Variants in ARHGEF10L observed in about 807,000 individuals in gnomAD.
ARHGEF10L encodes rho guanine nucleotide exchange factor 10-like protein.
In ARHGEF10L, 69 loss-of-function variants were observed where a neutral mutation model predicts 141.2. That is an observed-to-expected ratio of 0.49 (90% CI 0.40 to 0.60). ARHGEF10L has a LOEUF of 0.60. Ranked by LOEUF, ARHGEF10L falls within the 20% of genes least tolerant of loss-of-function variation. The pLI, the probability that ARHGEF10L is intolerant of heterozygous loss-of-function variation, is 0.00. For synonymous variants in ARHGEF10L, 711 were observed against 718.5 expected (o/e 0.99, Z 0.17); for missense variants, 1,482 against 1,734.3 (o/e 0.85, Z 2.58).
At chr1:17,628,063 C>A (rs991947831) in intron 15 of ARHGEF10L, among the ~76,000 whole-genome samples, 1 of 151,378 alleles carries the variant, frequency 6.6e-6, no homozygotes, top group African/African-American at 2.4e-5. Flanking sequence ...TTGGGCTGGG[C>A]GTGGTAGCTC....
chr1:17,580,484 G>A lies in ARHGEF10L; in HGVS notation c.-43-69G>A, dbSNP rs564712934. The A allele has an allele frequency of 2.3e-5, 32 of 1,401,698 alleles. No homozygotes were observed. The South Asian group carries it at 2.3e-4, about 10-fold the overall frequency. 86.8% of individuals were successfully genotyped at this position (1,401,698 alleles called of 1,614,324 possible). A position where few individuals can be genotyped will look rare whatever the true frequency, so the allele number is the denominator to read the frequency against. ...GCTGAAGCACAGGTTGTGAGCCAGT[G>A]ACTTGTCTCAGTAGCTGAAACTGCA... On this transcript the variant is annotated intron_variant, in intron 1 of 28. Coordinates refer to ENST00000361221, the MANE Select transcript of ARHGEF10L (RefSeq NM_018125.4).
rs139923118 is a variant in ARHGEF10L, at chr1:17,625,761, T to C, written c.1318-195T>C. Among the ~76,000 whole-genome samples, 70 of 152,294 alleles carry C rather than the reference T, an allele frequency of 4.6e-4. No individual in the cohort carries two copies. The East Asian group carries it at 0.011, about 24-fold the overall frequency. On this transcript the variant is annotated intron_variant, in intron 13 of 28. Coordinates refer to ENST00000361221, the MANE Select transcript of ARHGEF10L (RefSeq NM_018125.4). This position sits in a 1 kb window ranked among gnomAD's most constrained non-coding sequence, Gnocchi z 4.5. Reference sequence around the variant, plus strand: ...TTAGTCTCCTGAGGGTGCGCGGCCATGCAGGGGCACTGGTGGGAGAGGGAT... The same window carrying C: ...TTAGTCTCCTGAGGGTGCGCGGCCACGCAGGGGCACTGGTGGGAGAGGGAT...
intron 26 of ARHGEF10L, among the ~76,000 whole-genome samples, chr1:17,686,202 G>A (rs2064580597): frequency 6.6e-6 from 1 of 151,910 alleles, no homozygotes; most frequent in Admixed American, 6.6e-5. Context: ...ACAGTACAGA[G>A]CTGGATACAC....
the ARHGEF10L span, among the ~76,000 whole-genome samples, chr1:17,525,794 G>C: frequency 6.6e-6 from 1 of 151,866 alleles, no homozygotes; most frequent in Non-Finnish European, 1.5e-5. Flanking sequence ...CTTGAGATTG[G>C]GAGTCTGAAA....
At chr1:17,549,894 C>T (rs2249161) in intron 1 of ARHGEF10L, among the ~76,000 whole-genome samples, 38,545 of 152,046 alleles carry the variant, frequency 0.25, 7,102 homozygotes, top group African/African-American at 0.52. Flanking sequence ...TGGATGGGTA[C>T]AAAGATATGG....
Position 17,664,497 on chromosome 1 carries a change from C to G in ARHGEF10L, c.2911C>G (p.Pro971Ala). ...ESPPVCLTVG[P>A]GPVRTLLSLE... ...CCCTCCCGTGTGCCTGACTGTGGGG[C>G]CCGGGCCTGTCCGCACCCTGTTGAG... is the stretch of plus-strand genomic sequence containing the variant. The change falls in exon 26 of 29, where the codon CCC (proline) becomes GCC (alanine). Residue 971 changes from proline (P) to alanine (A), a missense_variant. Around this residue, in one of 3 missense-constraint regions of ARHGEF10L, gnomAD observed 858 missense variants for 966.3 expected, o/e 0.89. Coordinates refer to ENST00000361221, the MANE Select transcript of ARHGEF10L (RefSeq NM_018125.4). 1 of 1,607,814 alleles carries G rather than the reference C, an allele frequency of 6.2e-7. No homozygotes were observed. Among genetic ancestry groups the G allele is most frequent in the South Asian group, 1.1e-5 (1 of 90,962 alleles).
chr1:17,617,638 T>G (rs142425554), intron 9 of ARHGEF10L, among the ~76,000 whole-genome samples: 1 of 152,204 alleles, frequency 6.6e-6, no homozygotes, highest in East Asian at 1.9e-4. Context: ...CATGGCCTGA[T>G]GCAGCAGAAG....
At chr1:17,543,117 C>T (rs1415152123) in intron 1 of ARHGEF10L, among the ~76,000 whole-genome samples, 1 of 152,162 alleles carries the variant, frequency 6.6e-6, no homozygotes, top group Non-Finnish European at 1.5e-5. Flanking sequence ...GCATCAGAGC[C>T]ATTTTCATTC....
At chr1:17,648,438 G>T in intron 21 of ARHGEF10L, 116 bp from the exon 22 acceptor site, 1 of 1,347,244 alleles carries the variant, frequency 7.4e-7, no homozygotes, top group South Asian at 1.4e-5. Flanking sequence ...GGAGTGACTG[G>T]ATGGGGCCAG....
rs771169236 is a variant in ARHGEF10L at position 17,632,444 on chromosome 1, G to T, written c.1708G>T (p.Val570Phe). ...GGTCTTCCTGCTCAACGACATGCTT[G>T]TCTGTGCCAACATCAACTTCAAGTA... ...RRVFLLNDMLVCANINFKPAN... is the reference protein window; with the variant it reads ...RRVFLLNDMLFCANINFKPAN... Residue 570 changes from valine to phenylalanine, a missense_variant, in exon 16 of 29, where the codon GTC (valine) becomes TTC (phenylalanine). Val to Phe is a conservative substitution (Grantham distance 50). This residue lies in a region of ARHGEF10L where 858 missense variants were observed against 966.3 expected (regional missense o/e 0.89). Transcript: ENST00000361221. The T allele has an allele frequency of 1.2e-6, 2 of 1,614,146 alleles. No homozygotes were observed. The highest frequency in any genetic ancestry group is 1.7e-6 in the Non-Finnish European group (2 of 1,180,010).
At position 17,573,356 on chromosome 1, in the gene ARHGEF10L, C is replaced by T. The variant is rs1443633388; in HGVS notation, c.-43-7197C>T. Among the ~76,000 whole-genome samples the T allele has an allele frequency of 6.6e-6, 1 of 152,200 alleles. No individual in the cohort carries two copies. Among genetic ancestry groups the T allele is most frequent in the Non-Finnish European group, 1.5e-5 (1 of 68,032 alleles). ...CGAGTTGATGGCACACAGTATGTGT[C>T]ATGCCAGCTGCTGTCCCCTCTCTGG... On this transcript the variant is annotated intron_variant, in intron 1 of 28. Transcript: ENST00000361221. The surrounding 1 kb of genome is among the most constrained non-coding windows in gnomAD (Gnocchi z 4.8).
At chr1:17,640,844 C>T (rs1347149241) in intron 21 of ARHGEF10L, among the ~76,000 whole-genome samples, 1 of 152,100 alleles carries the variant, frequency 6.6e-6, no homozygotes, top group Admixed American at 6.6e-5. Context: ...TCCTGTGCAC[C>T]CCATGGTATG....
intron 1 of ARHGEF10L, among the ~76,000 whole-genome samples, chr1:17,565,302 G>T (rs2077706773): frequency 6.6e-6 from 1 of 152,156 alleles, no homozygotes; most frequent in South Asian, 2.1e-4. Context: ...GAATTTTAGG[G>T]GGATAAAAAC....
chr1:17,624,399 A>T lies in ARHGEF10L; in HGVS notation c.1213A>T (p.Met405Leu), dbSNP rs774626125. The change falls in exon 13 of 29, where the codon ATG becomes TTG. Residue 405 changes from methionine to leucine, a missense_variant. Around this residue, in one of 3 missense-constraint regions of ARHGEF10L, gnomAD observed 392 missense variants for 542.1 expected, o/e 0.72. Coordinates refer to ENST00000361221, the MANE Select transcript of ARHGEF10L (RefSeq NM_018125.4). ...DLFVASFSKS[M>L]VLDVYSDYVN... The stretch of plus-strand genomic sequence containing the variant: ...TGCCTTGTTTCAGTTTTCCAAGTCC[A>T]TGGTGCTAGATGTGTACAGTGACTA... 3.1e-6 allele frequency: 5 copies of T among 1,613,930 alleles called. No homozygotes were observed. Among genetic ancestry groups the T allele is most frequent in the Non-Finnish European group, 4.2e-6 (5 of 1,179,866 alleles).
chr1:17,615,776 G>A lies in ARHGEF10L; in HGVS notation c.727-318G>A. On this transcript the variant is annotated intron_variant, in intron 8 of 28. Coordinates refer to ENST00000361221, the MANE Select transcript of ARHGEF10L (RefSeq NM_018125.4). The surrounding 1 kb of genome is among the most constrained non-coding windows in gnomAD (Gnocchi z 4.7). ...TCATGCCATTGGCGGGTGGCCCAGG[G>A]CTCCAGGTCTCCAGCACCCCTCGGC... The A allele has an allele frequency of 4.1e-6, 1 of 245,200 alleles. No individual in the cohort carries two copies. Among genetic ancestry groups the A allele is most frequent in the East Asian group, 8.1e-5 (1 of 12,300 alleles). 15.2% of individuals were successfully genotyped at this position (245,200 alleles called of 1,614,324 possible). A position where few individuals can be genotyped will look rare whatever the true frequency, so the allele number is the denominator to read the frequency against.
Position 17,625,832 on chromosome 1 carries a change from C to A in ARHGEF10L, c.1318-124C>A. The A allele has an allele frequency of 1.3e-6, 1 of 791,064 alleles. No individual in the cohort carries two copies. Among genetic ancestry groups the A allele is most frequent in the African/African-American group, 1.7e-5 (1 of 57,738 alleles). The allele number at this position is 791,064 out of a possible 1,614,324, so 49.0% of individuals were successfully genotyped here. A position where few individuals can be genotyped will look rare whatever the true frequency, so the allele number is the denominator to read the frequency against. On this transcript the variant is annotated intron_variant, in intron 13 of 28. Coordinates refer to ENST00000361221, the MANE Select transcript of ARHGEF10L (RefSeq NM_018125.4). The surrounding 1 kb of genome is among the most constrained non-coding windows in gnomAD (Gnocchi z 4.5). ...ACCTCTCTCAGCTCTTCTTGCAAGC[C>A]CAGGGATAGGCAGGGTCTTAGGGCC...
intron 1 of ARHGEF10L, among the ~76,000 whole-genome samples, chr1:17,553,186 G>A (rs1570425676): frequency 6.6e-6 from 1 of 152,280 alleles, no homozygotes; most frequent in East Asian, 1.9e-4. Context: ...ACTGGACTGG[G>A]AGCCAGTTGC....
In ARHGEF10L at chr1:17,656,231, T is replaced by C; in HGVS notation, c.2705+129T>C. 8.4e-7 allele frequency: 1 copy of C among 1,186,298 alleles called. No homozygotes were observed. The highest frequency in any genetic ancestry group is 1.2e-6 in the Non-Finnish European group (1 of 848,478). 73.5% of individuals were successfully genotyped at this position (1,186,298 alleles called of 1,614,324 possible). A position where few individuals can be genotyped will look rare whatever the true frequency, so the allele number is the denominator to read the frequency against. The stretch of plus-strand genomic sequence containing the variant: ...TCTCTGCCCCTGGTCTCCAGGAAGG[T>C]GGGCACCAGAGCTGCCCAGTGTGGG... On this transcript the variant is annotated intron_variant, in intron 24 of 28. Transcript: ENST00000361221. The surrounding 1 kb of genome is among the most constrained non-coding windows in gnomAD (Gnocchi z 4.9).
At chr1:17,696,085 C>T (rs1012633039) in intron 28 of ARHGEF10L, among the ~76,000 whole-genome samples, 6 of 151,934 alleles carry the variant, frequency 3.9e-5, no homozygotes, top group Non-Finnish European at 8.8e-5. Context: ...TGGCGGTGTG[C>T]GCCTGTAATC....
Sources: allele counts gnomAD v4.1 joint callset (sites outside exome capture counted in the v4.1 genomes callset), GRCh38; gene constraint gnomAD v4.1.1; regional missense constraint gnomAD v4.1.1; non-coding constraint Gnocchi (gnomAD v3.1); transcripts MANE v1.5; gene names NCBI Gene and HGNC (gene_info 2026-07-23, HGNC 2026-07-21).